Variants in CYSLTR1 observed in about 807,000 individuals in gnomAD.
CYSLTR1 encodes G-protein coupled receptor HG55.
In CYSLTR1, 1 loss-of-function variant was observed where a neutral mutation model predicts 2.1. The observed-to-expected ratio is 0.48, with a 90% CI of 0.17 to 2.28. The LOEUF is 2.28. CYSLTR1 is among the 30% of genes most tolerant of loss of function. CYSLTR1 has a pLI of 0.26. For synonymous variants in CYSLTR1, 110 were observed against 89.6 expected (o/e 1.23, Z -1.28); for missense variants, 299 against 250.1 (o/e 1.20, Z -1.32).
intron 2 of CYSLTR1, among the ~76,000 whole-genome samples, chrX:78,274,766 G>T (rs1256583411): frequency 3.6e-5 from 4 of 110,742 alleles, no homozygotes; most frequent in Non-Finnish European, 5.7e-5. Flanking sequence ...CACAGCAAAA[G>T]AAACTACCAT....
intron 1 of CYSLTR1, among the ~76,000 whole-genome samples, chrX:78,305,517 A>C (rs981114828): frequency 1.8e-4 from 7 of 39,808 alleles, no homozygotes; most frequent in Non-Finnish European, 3.2e-4. Context: ...CTTATAAGGA[A>C]AAAAATTTAT....
intron 1 of CYSLTR1, chrX:78,321,642 A>AT (rs1429171115): frequency 9.7e-6 from 1 of 103,599 alleles, no homozygotes; most frequent in Non-Finnish European, 1.9e-5. Flanking sequence ...GTGAGCCGAG[A>AT]TTTTACCATT....
intron 1 of CYSLTR1, among the ~76,000 whole-genome samples, chrX:78,290,130 C>G (rs187952714): frequency 1.8e-5 from 2 of 111,635 alleles, no homozygotes. Flanking sequence ...ATCTTAATTA[C>G]TTTTTGTATA....
intron 2 of CYSLTR1, among the ~76,000 whole-genome samples, chrX:78,282,718 C>G (rs750068258): frequency 1.8e-5 from 2 of 111,601 alleles, no homozygotes; most frequent in Admixed American, 1.9e-4. Flanking sequence ...CTGGGCAAAA[C>G]AGTGAGACCC....
intron 1 of CYSLTR1, among the ~76,000 whole-genome samples, chrX:78,306,442 G>A (rs1200619478): frequency 2.7e-5 from 3 of 111,229 alleles, no homozygotes; most frequent in African/African-American, 3.3e-5. Flanking sequence ...GGGATTACAC[G>A]CACGAGCCAC....
chrX:78,302,540 T>C (rs1253531797), intron 1 of CYSLTR1, among the ~76,000 whole-genome samples: 1 of 111,508 alleles, frequency 9.0e-6, no homozygotes, highest in African/African-American at 3.3e-5. Flanking sequence ...CATCTGAAGA[T>C]AGCAAGTCTC....
At chrX:78,292,993 G>T (rs765541631) in intron 1 of CYSLTR1, among the ~76,000 whole-genome samples, 18 of 110,955 alleles carry the variant, frequency 1.6e-4, no homozygotes, top group Non-Finnish European at 3.2e-4. Context: ...GGTTAATATT[G>T]TTATGTGTGA....
At chrX:78,281,225 T>C (rs768752855) in intron 2 of CYSLTR1, among the ~76,000 whole-genome samples, 15 of 110,972 alleles carry the variant, frequency 1.4e-4, no homozygotes, top group African/African-American at 3.6e-4. Flanking sequence ...GTTTTTTTTT[T>C]CTCCACAATC....
Position 78,273,067 on chromosome X carries a change from C to G in CYSLTR1, c.680G>C (p.Ser227Thr). The change falls in exon 3 of 3, where the codon AGT (serine) becomes ACT (threonine). Residue 227 changes from serine to threonine, a missense_variant. By Grantham distance (58) the Ser-to-Thr change is moderately conservative. Transcript: ENST00000373304. ...GATCATTCCTATAGCCTTTTTATGACTTGACAGATTTTTTTTCATTGATTT... is the reference window on the plus strand; with the variant it reads ...GATCATTCCTATAGCCTTTTTATGAGTTGACAGATTTTTTTTCATTGATTT... Reference protein sequence around the residue: ...LKKSMKKNLSSHKKAIGMIMV... With the variant: ...LKKSMKKNLSTHKKAIGMIMV... The G allele has an allele frequency of 8.3e-7, 1 of 1,210,260 alleles. No homozygotes were observed. The highest frequency in any genetic ancestry group is 1.1e-6 in the Non-Finnish European group (1 of 894,708).
chrX:78,320,111 T>G (rs761414933), intron 1 of CYSLTR1: 8 of 112,395 alleles, frequency 7.1e-5, no homozygotes, highest in African/African-American at 2.3e-4. Flanking sequence ...CTCTTTAGTT[T>G]AATTAGATCC....
intron 1 of CYSLTR1, among the ~76,000 whole-genome samples, chrX:78,326,896 C>A (rs1160829410): frequency 8.9e-6 from 1 of 111,964 alleles, no homozygotes; most frequent in African/African-American, 3.2e-5. Context: ...ATTTTACTCT[C>A]CACTGGTTTA....
rs1046903119 is a variant in CYSLTR1 at position 78,292,149 on chromosome X, A to T, written c.-114-8609T>A. On this transcript the variant is annotated intron_variant, in intron 1 of 2. Transcript: ENST00000373304. ...CTACAAACTGCTTTAAATGTGTCCC[A>T]GAGATTCTGGTACGTTGTGTCTTTG... Among the ~76,000 whole-genome samples, 5 of 112,152 alleles carry T rather than the reference A, an allele frequency of 4.5e-5. No homozygotes were observed. In the East Asian group the frequency reaches 1.4e-3, roughly 31 times the overall value.
chrX:78,299,168 A>C (rs1255910903), intron 1 of CYSLTR1, among the ~76,000 whole-genome samples: 1 of 111,715 alleles, frequency 9.0e-6, no homozygotes, highest in African/African-American at 3.2e-5. Context: ...TACTTATAAA[A>C]ATTCTATGCC....
chrX:78,275,086 C>G lies in CYSLTR1; in HGVS notation c.-27-1313G>C, dbSNP rs1436134305. 3.6e-5 allele frequency among the ~76,000 whole-genome samples: 4 copies of G among 111,481 alleles called. No homozygotes were observed. In the East Asian group the frequency reaches 1.1e-3, roughly 31 times the overall value. ...TTAAAAAGTCAGGAAACAACAGGTG[C>G]TGGAGAGGATGTGGAGAAATAGGAA... On this transcript the variant is annotated intron_variant, in intron 2 of 2. Coordinates refer to ENST00000373304, the MANE Select transcript of CYSLTR1 (RefSeq NM_006639.4).
rs200946528 is a variant in CYSLTR1 at position 78,283,467 on chromosome X, T to C, written c.-41A>G. On this transcript the variant is annotated 5_prime_UTR_variant, in exon 2 of 3. Coordinates refer to ENST00000373304, the MANE Select transcript of CYSLTR1 (RefSeq NM_006639.4). ...ATTCAGGTATACCTCTTTCTGGCAC[T>C]GGAGTACCTTCACAAATGTTCCTTC... 8.9e-6 allele frequency: 1 copy of C among 112,739 alleles called. No homozygotes were observed. Among genetic ancestry groups the C allele is most frequent in the African/African-American group, 3.2e-5 (1 of 31,091 alleles). 9.3% of individuals were successfully genotyped at this position (112,739 alleles called of 1,213,427 possible).
rs750311589 is a variant in CYSLTR1 at position 78,272,660 on chromosome X, T to C, written c.*73A>G. ...AAATATTAAGTAAAATTTTTATTTT[T>C]TTTGTAAATGATTTGACAAAATACT... On this transcript the variant is annotated 3_prime_UTR_variant, in exon 3 of 3. Transcript: ENST00000373304. 1.2e-5 allele frequency: 12 copies of C among 1,008,645 alleles called. No homozygotes were observed. Among genetic ancestry groups the C allele is most frequent in the Non-Finnish European group, 1.6e-5 (12 of 769,870 alleles). 83.1% of individuals were successfully genotyped at this position (1,008,645 alleles called of 1,213,427 possible). A position where few individuals can be genotyped will look rare whatever the true frequency, so the allele number is the denominator to read the frequency against.
chrX:78,272,061 G>A lies in CYSLTR1; in HGVS notation c.*672C>T, dbSNP rs1394768331. ...TTCAATTTTGGGAGCCTGAGGCAAA[G>A]GCAGAAGAAAACTGGAGACAAACTG... On this transcript the variant is annotated 3_prime_UTR_variant, in exon 3 of 3. Coordinates refer to ENST00000373304, the MANE Select transcript of CYSLTR1 (RefSeq NM_006639.4). 1 of 111,926 alleles carries A rather than the reference G, an allele frequency of 8.9e-6. No individual in the cohort carries two copies. Among genetic ancestry groups the A allele is most frequent in the Non-Finnish European group, 1.9e-5 (1 of 53,181 alleles). 9.2% of individuals were successfully genotyped at this position (111,926 alleles called of 1,213,427 possible). A position where few individuals can be genotyped will look rare whatever the true frequency, so the allele number is the denominator to read the frequency against.
At chrX:78,282,151 T>G (rs777141867) in intron 2 of CYSLTR1, among the ~76,000 whole-genome samples, 2 of 112,280 alleles carry the variant, frequency 1.8e-5, no homozygotes, top group South Asian at 7.4e-4. Context: ...TCCTGAAATG[T>G]CCTTTCCTCC....
intron 1 of CYSLTR1, chrX:78,319,870 T>C (rs1421316717): frequency 8.9e-6 from 1 of 112,291 alleles, no homozygotes; most frequent in Non-Finnish European, 1.9e-5. Context: ...CCAGTGATGA[T>C]GAGCATTTTT....
Sources: gnomAD v4.1 joint callset for allele counts (sites outside exome capture counted in the v4.1 genomes callset) on GRCh38, gnomAD v4.1.1 for gene constraint, MANE v1.5 for transcripts, NCBI Gene and HGNC (gene_info 2026-07-23, HGNC 2026-07-21) for gene names.